Variants in PLXNA4 observed in about 807,000 individuals in gnomAD.
PLXNA4 encodes the protein plexin-A4.
In PLXNA4, 44 loss-of-function variants were observed where a neutral mutation model predicts 191.8. The ratio of observed to expected loss-of-function variants is 0.23; its 90% confidence interval spans 0.18 to 0.29. PLXNA4 has a LOEUF of 0.29. Among genes scored for constraint, PLXNA4 ranks in the 10% least tolerant of loss-of-function variants. The pLI, the probability that PLXNA4 is intolerant of heterozygous loss-of-function variation, is 1.00. For missense variants in PLXNA4, 1,800 were observed against 2,488.8 expected, an observed-to-expected ratio of 0.72 and a Z score of 5.89; for synonymous variants, 1,082 against 1,009.5, an observed-to-expected ratio of 1.07 and a Z score of -1.36.
At chr7:132,362,475 C>T (rs554558576) in intron 3 of PLXNA4, among the ~76,000 whole-genome samples, 5 of 152,204 alleles carry the variant, frequency 3.3e-5, no homozygotes, top group Non-Finnish European at 5.9e-5. Context: ...GAAACTGATG[C>T]AAATGCTAGA....
intron 7 of PLXNA4, among the ~76,000 whole-genome samples, chr7:132,227,124 A>G (rs1000142615): frequency 6.6e-6 from 1 of 152,202 alleles, no homozygotes; most frequent in African/African-American, 2.4e-5. Flanking sequence ...CCGCCAAGCC[A>G]GTGGTGCAGG....
At chr7:132,634,166 G>A (rs913672318) in intron 2 of PLXNA4, among the ~76,000 whole-genome samples, 2 of 152,050 alleles carry the variant, frequency 1.3e-5, no homozygotes, top group South Asian at 2.1e-4. Context: ...TGGAATGCAG[G>A]GCACACAGGG....
intron 4 of PLXNA4, among the ~76,000 whole-genome samples, chr7:132,280,505 C>T (rs1471130651): frequency 6.6e-6 from 1 of 152,196 alleles, no homozygotes; most frequent in Non-Finnish European, 1.5e-5. Flanking sequence ...GCATTAATGG[C>T]CATAGCCTTG....
intron 3 of PLXNA4, among the ~76,000 whole-genome samples, chr7:132,332,187 A>G (rs1384124886): frequency 1.3e-5 from 2 of 152,206 alleles, no homozygotes; most frequent in African/African-American, 4.8e-5. Flanking sequence ...CATGGTGCCC[A>G]CGTCGAGTGT....
At chr7:132,414,837 C>T (rs1248504563) in intron 3 of PLXNA4, among the ~76,000 whole-genome samples, 3 of 152,166 alleles carry the variant, frequency 2.0e-5, no homozygotes, top group Non-Finnish European at 2.9e-5. Flanking sequence ...TCCCACACAC[C>T]TCATGGAACC....
intron 1 of PLXNA4, among the ~76,000 whole-genome samples, chr7:132,561,558 TCTC>T (rs1278323475): frequency 1.1e-4 from 8 of 70,524 alleles, no homozygotes; most frequent in Non-Finnish European, 1.5e-4. Context: ...TCCTCCTCCT[TCTC>T]CTCCTCCTTT....
intron 3 of PLXNA4, among the ~76,000 whole-genome samples, chr7:132,309,568 T>C (rs970105574): frequency 6.6e-6 from 1 of 152,110 alleles, no homozygotes; most frequent in Non-Finnish European, 1.5e-5. Context: ...ACAAAGGGGT[T>C]AATGCCTGCG....
chr7:132,351,797 C>T (rs1563051776), intron 3 of PLXNA4, among the ~76,000 whole-genome samples: 1 of 152,096 alleles, frequency 6.6e-6, no homozygotes, highest in African/African-American at 2.4e-5. Context: ...GGGGAAGATG[C>T]GCCCACCTCC....
At chr7:132,374,127 C>T (rs1804561328) in intron 3 of PLXNA4, among the ~76,000 whole-genome samples, 1 of 152,178 alleles carries the variant, frequency 6.6e-6, no homozygotes, top group African/African-American at 2.4e-5. Flanking sequence ...CGTTCATTCC[C>T]ATTTGGACAG....
chr7:132,256,646 C>T (rs11972244), intron 4 of PLXNA4, among the ~76,000 whole-genome samples: 5,245 of 152,252 alleles, frequency 0.034, 297 homozygotes, highest in African/African-American at 0.12. Flanking sequence ...ATTTAAGATG[C>T]TGGTGCCTGG....
At chr7:132,496,642 C>T (rs528119323) in intron 2 of PLXNA4, among the ~76,000 whole-genome samples, 4 of 152,250 alleles carry the variant, frequency 2.6e-5, no homozygotes, top group Admixed American at 6.5e-5. Flanking sequence ...CCTTGTGATC[C>T]GTCCACCTTG....
chr7:132,277,657 C>T (rs1473181676), intron 4 of PLXNA4, among the ~76,000 whole-genome samples: 2 of 152,194 alleles, frequency 1.3e-5, no homozygotes, highest in East Asian at 3.9e-4. Context: ...AGACACTTCT[C>T]TCCAATAAAC....
intron 1 of PLXNA4, among the ~76,000 whole-genome samples, chr7:132,512,289 A>T (rs1382499481): frequency 6.6e-6 from 1 of 152,164 alleles, no homozygotes; most frequent in South Asian, 2.1e-4. Context: ...GTACATACAC[A>T]TGGATCCATG....
intron 1 of PLXNA4, among the ~76,000 whole-genome samples, chr7:132,533,398 G>A (rs1799704106): frequency 6.6e-6 from 1 of 152,144 alleles, no homozygotes; most frequent in Admixed American, 6.5e-5. Context: ...AACATGAAAA[G>A]AATTAACTTG....
At chr7:132,580,126 C>A (rs1585383951), upstream of PLXNA4, among the ~76,000 whole-genome samples, 1 of 152,108 alleles carries the variant, frequency 6.6e-6, no homozygotes, top group East Asian at 1.9e-4. Context: ...TATTAATGTG[C>A]TTTGAAACTC....
At chr7:132,196,722 A>G (rs1369276729) in intron 13 of PLXNA4, among the ~76,000 whole-genome samples, 20 of 152,166 alleles carry the variant, frequency 1.3e-4, no homozygotes, top group Admixed American at 1.3e-3. Context: ...TTCCCCTTAC[A>G]CCATGAGTGA....
At chr7:132,199,609 T>C (rs1797367104) in intron 12 of PLXNA4, among the ~76,000 whole-genome samples, 1 of 152,158 alleles carries the variant, frequency 6.6e-6, no homozygotes, top group African/African-American at 2.4e-5. Context: ...CCTTAGCCAA[T>C]GTCAGCAGGA....
At chr7:132,426,456 C>T (rs1239985467) in intron 3 of PLXNA4, among the ~76,000 whole-genome samples, 2 of 152,196 alleles carry the variant, frequency 1.3e-5, no homozygotes, top group African/African-American at 4.8e-5. Flanking sequence ...CAGTGTCATG[C>T]CCACCTGACA....
At chr7:132,152,450 T>C (rs887995946) in intron 25 of PLXNA4, among the ~76,000 whole-genome samples, 1 of 152,206 alleles carries the variant, frequency 6.6e-6, no homozygotes, top group African/African-American at 2.4e-5. Context: ...CTGTGTTGCA[T>C]ATTCAGTGTG....
Sources: allele counts gnomAD v4.1 joint callset (sites outside exome capture counted in the v4.1 genomes callset), GRCh38; gene constraint gnomAD v4.1.1; transcripts MANE v1.5; gene names NCBI Gene and HGNC (gene_info 2026-07-23, HGNC 2026-07-21).